Variants in RRAGB observed in about 807,000 individuals in gnomAD.
RRAGB encodes the protein ras-related GTP-binding protein B.
Under a neutral mutation model 29.3 loss-of-function variants are expected in RRAGB, and 6 were observed. That is an observed-to-expected ratio of 0.21 (90% CI 0.11 to 0.40). The LOEUF is 0.40. RRAGB is among the 10% of genes least tolerant of loss of function. The pLI is 1.00. For missense variants in RRAGB, 184 were observed against 272.9 expected, an observed-to-expected ratio of 0.67 and a Z score of 2.29; for synonymous variants, 101 against 92.5, an observed-to-expected ratio of 1.09 and a Z score of -0.53.
chrX:55,752,161 A>G, intron 6 of RRAGB: 1 of 669,719 alleles, frequency 1.5e-6, no homozygotes, highest in Non-Finnish European at 1.8e-6. Context: ...CTAATAACAG[A>G]TCATTTTGAG....
rs372999398 is a variant in RRAGB at position 55,727,363 on chromosome X, G to A, written c.227-1931G>A. The A allele has an allele frequency of 9.0e-6, 8 of 890,910 alleles. No homozygotes were observed. In the African/African-American group the frequency reaches 1.2e-4, roughly 13 times the overall value. 73.4% of individuals were successfully genotyped at this position (890,910 alleles called of 1,213,427 possible). On this transcript the variant is annotated intron_variant, in intron 3 of 9. Transcript: ENST00000374941. The stretch of plus-strand genomic sequence containing the variant: ...TAGCAGTTTGAGCACCTACTCTCTC[G>A]TAGACTCTGTTGGAAATACAAAGAC...
chrX:55,751,861 T>C (rs1230488371), intron 6 of RRAGB, among the ~76,000 whole-genome samples: 1 of 111,442 alleles, frequency 9.0e-6, no homozygotes, highest in Non-Finnish European at 1.9e-5. Context: ...TTTCTCCTAC[T>C]GATCTAGTTA....
chrX:55,719,915 G>A (rs1208249007), intron 2 of RRAGB, among the ~76,000 whole-genome samples: 1 of 112,055 alleles, frequency 8.9e-6, no homozygotes, highest in Admixed American at 9.5e-5. Flanking sequence ...ACCTTTTGGG[G>A]CTTCAGTTTC....
chrX:55,727,324 A>T, intron 3 of RRAGB: 1 of 1,139,814 alleles, frequency 8.8e-7, no homozygotes, highest in Non-Finnish European at 1.2e-6. Flanking sequence ...CCGTATACAT[A>T]GTCTTCAAAT....
intron 5 of RRAGB, among the ~76,000 whole-genome samples, chrX:55,746,845 G>A (rs957344075): frequency 8.9e-6 from 1 of 112,042 alleles, no homozygotes; most frequent in Non-Finnish European, 1.9e-5. Context: ...ATTAAGTGTG[G>A]AACCTCTGCT....
intron 2 of RRAGB, among the ~76,000 whole-genome samples, chrX:55,720,229 T>A (rs2033215904): frequency 8.9e-6 from 1 of 112,260 alleles, no homozygotes; most frequent in East Asian, 2.8e-4. Flanking sequence ...AATTTCTACA[T>A]GATTAAGAAC....
intron 5 of RRAGB, among the ~76,000 whole-genome samples, chrX:55,745,362 G>A (rs1009905770): frequency 3.6e-5 from 4 of 112,639 alleles, no homozygotes; most frequent in African/African-American, 1.3e-4. Context: ...ACAACTTACA[G>A]TGTACTTATG....
intron 5 of RRAGB, among the ~76,000 whole-genome samples, chrX:55,749,130 T>C (rs1167289084): frequency 1.2e-5 from 1 of 81,511 alleles, no homozygotes; most frequent in Non-Finnish European, 2.3e-5. Flanking sequence ...CGGCCACCCC[T>C]ACTGGGAAGT....
At chrX:55,742,216 C>G (rs2034105032) in intron 5 of RRAGB, among the ~76,000 whole-genome samples, 1 of 112,388 alleles carries the variant, frequency 8.9e-6, no homozygotes. Flanking sequence ...AGATGAAGTA[C>G]TCATGACAAT....
At chrX:55,740,374 ACTAGGCTC>A in intron 5 of RRAGB, among the ~76,000 whole-genome samples, 1 of 111,375 alleles carries the variant, frequency 9.0e-6, no homozygotes, top group African/African-American at 3.3e-5. Flanking sequence ...AATCATTATG[ACTAGGCTC>A]AAACACATCT....
chrX:55,748,944 C>T (rs1197075697), intron 5 of RRAGB, among the ~76,000 whole-genome samples: 9 of 97,006 alleles, frequency 9.3e-5, no homozygotes, highest in South Asian at 5.1e-4. Context: ...CCAGCTGCCC[C>T]GTCCGGGAGG....
intron 3 of RRAGB, chrX:55,727,256 T>C (rs778576932): frequency 1.8e-6 from 2 of 1,129,126 alleles, no homozygotes; most frequent in East Asian, 6.4e-5. Context: ...GTCACTTCTT[T>C]TGTTATTGTC....
chrX:55,750,962 T>G, intron 5 of RRAGB, 139 bp from the exon 6 acceptor site: 1 of 434,294 alleles, frequency 2.3e-6, no homozygotes, highest in Non-Finnish European at 3.8e-6. Context: ...GCCATCCTAG[T>G]TTGTGAAATA....
At chrX:55,748,683 G>A (rs184951886) in intron 5 of RRAGB, among the ~76,000 whole-genome samples, 2 of 111,210 alleles carry the variant, frequency 1.8e-5, no homozygotes, top group African/African-American at 6.5e-5. Flanking sequence ...CAGCCACCCC[G>A]TCTGGGAAGT....
At chrX:55,748,426 T>C (rs1156413136) in intron 5 of RRAGB, among the ~76,000 whole-genome samples, 2 of 93,004 alleles carry the variant, frequency 2.2e-5, no homozygotes, top group African/African-American at 4.3e-5. Flanking sequence ...AAGTGAGGAG[T>C]GCCTCTTCCC....
At chrX:55,728,906 G>A (rs1476550543) in intron 3 of RRAGB, among the ~76,000 whole-genome samples, 1 of 110,448 alleles carries the variant, frequency 9.1e-6, no homozygotes, top group Non-Finnish European at 1.9e-5. Flanking sequence ...ATTGTTTTAT[G>A]TTTGTTTTTT....
intron 9 of RRAGB, among the ~76,000 whole-genome samples, chrX:55,757,621 G>A (rs4826413): frequency 0.51 from 56,809 of 110,672 alleles, 12,836 homozygotes; most frequent in East Asian, 0.75. Flanking sequence ...TAGCTTCTAG[G>A]GTATTACGTT....
chrX:55,742,069 TTC>T (rs2034094631), intron 5 of RRAGB, among the ~76,000 whole-genome samples: 1 of 112,712 alleles, frequency 8.9e-6, no homozygotes. Context: ...CTGTTTACTC[TTC>T]TTTTACATTA....
intron 8 of RRAGB, among the ~76,000 whole-genome samples, chrX:55,756,630 G>GA (rs1173066293): frequency 8.9e-6 from 1 of 111,783 alleles, no homozygotes; most frequent in Non-Finnish European, 1.9e-5. Flanking sequence ...TGTTTTCAAA[G>GA]AAAAAAAGAT....
Sources: allele counts gnomAD v4.1 joint callset (sites outside exome capture counted in the v4.1 genomes callset), GRCh38; gene constraint gnomAD v4.1.1; transcripts MANE v1.5; gene names NCBI Gene and HGNC (gene_info 2026-07-23, HGNC 2026-07-21).